ME1: variants seen among roughly 807,000 people sequenced by gnomAD.
The protein encoded by ME1 is malic enzyme 1, also known as NADP-dependent malic enzyme.
ME1 carries 74 observed loss-of-function variants against 66.4 expected under a neutral mutation model. The ratio of observed to expected loss-of-function variants is 1.11; its 90% CI spans 0.92 to 1.35. ME1 has a LOEUF of 1.35. Among genes scored for constraint, ME1 ranks in the 40% most tolerant of loss-of-function variants. ME1 has a pLI of 0.00. For missense variants in ME1, 750 were observed against 694.1 expected, an observed-to-expected ratio of 1.08 and a Z score of -0.90; for synonymous variants, 251 against 235.6, an observed-to-expected ratio of 1.07 and a Z score of -0.60.
intron 13 of ME1, among the ~76,000 whole-genome samples, chr6:83,213,293 G>A (rs1403443190): frequency 6.6e-6 from 1 of 151,120 alleles, no homozygotes; most frequent in Non-Finnish European, 1.5e-5. Flanking sequence ...GTGTGGTGGT[G>A]CATGCCTGTA....
At chr6:83,419,245 A>G (rs1380050175) in intron 1 of ME1, among the ~76,000 whole-genome samples, 1 of 152,182 alleles carries the variant, frequency 6.6e-6, no homozygotes, top group Non-Finnish European at 1.5e-5. Flanking sequence ...GAATCCACAT[A>G]CTAAGGCTAG....
intron 12 of ME1, among the ~76,000 whole-genome samples, chr6:83,219,826 G>A (rs1280132102): frequency 6.7e-6 from 1 of 150,232 alleles, no homozygotes; most frequent in Non-Finnish European, 1.5e-5. Flanking sequence ...GAGCTCAAGC[G>A]ATCCACCTAC....
rs577544081 is a variant in ME1, at chr6:83,383,878, A to G, written c.362+14489T>C. Among the ~76,000 whole-genome samples, 7 of 152,022 alleles carry G rather than the reference A, an allele frequency of 4.6e-5. No individual in the cohort carries two copies. In the South Asian group the frequency reaches 6.2e-4, roughly 14 times the overall value. On this transcript the variant is annotated intron_variant, in intron 3 of 13. Coordinates refer to ENST00000369705, the MANE Select transcript of ME1 (RefSeq NM_002395.6). ...ATAACATTTAATTTGGAATCCTTCT[A>G]TCAACTATTTTATAAATTTTACCAT...
At position 83,221,987 on chromosome 6, in the gene ME1, AT is replaced by A. The variant is rs557824933; in HGVS notation, c.1449+1772del. Among the ~76,000 whole-genome samples, 263 of 150,096 alleles carry A rather than the reference AT, an allele frequency of 1.8e-3. 1 individual carries two copies. The highest frequency in any genetic ancestry group is 5.5e-3 in the African/African-American group (226 of 40,992). ...TGATGTGGTATGTTGACAACACCACATTTTTTTTTTCCTTCAAAGTGTTTTT... is the reference window on the plus strand; with the variant it reads ...TGATGTGGTATGTTGACAACACCACATTTTTTTTTCCTTCAAAGTGTTTTT... On this transcript the variant is annotated intron_variant, in intron 12 of 13. Coordinates refer to ENST00000369705, the MANE Select transcript of ME1 (RefSeq NM_002395.6).
chr6:83,265,184 A>G (rs1766967866), intron 6 of ME1, among the ~76,000 whole-genome samples: 2 of 152,274 alleles, frequency 1.3e-5, no homozygotes, highest in African/African-American at 4.8e-5. Flanking sequence ...GATCATTAAC[A>G]TTCAATAGCA....
intron 3 of ME1, among the ~76,000 whole-genome samples, chr6:83,363,848 T>C (rs1769049672): frequency 6.6e-6 from 1 of 152,252 alleles, no homozygotes; most frequent in Non-Finnish European, 1.5e-5. Context: ...GTTAACTTTA[T>C]GTAACAGTAT....
chr6:83,261,420 A>ATTTTTT (rs57450786), intron 6 of ME1, among the ~76,000 whole-genome samples: 26 of 110,862 alleles, frequency 2.3e-4, no homozygotes, highest in East Asian at 7.6e-4. Context: ...TCTGTTGGTA[A>ATTTTTT]TTTTTTTTTT....
intron 1 of ME1, among the ~76,000 whole-genome samples, chr6:83,417,370 T>TTG (rs1770182044): frequency 4.0e-5 from 6 of 149,768 alleles, no homozygotes; most frequent in South Asian, 2.1e-4. Context: ...TTTGTTGTTT[T>TTG]TTGTTGTTGT....
intron 11 of ME1, among the ~76,000 whole-genome samples, chr6:83,224,713 T>TA (rs1790156643): frequency 1.4e-5 from 2 of 147,480 alleles, no homozygotes; most frequent in Non-Finnish European, 3.0e-5. Context: ...ATAATAATAA[T>TA]AATAAATAAA....
intron 6 of ME1, among the ~76,000 whole-genome samples, chr6:83,259,688 A>G (rs1766848262): frequency 6.6e-6 from 1 of 152,198 alleles, no homozygotes. Flanking sequence ...GTAGGTAACA[A>G]CGAAGAAGAT....
chr6:83,315,307 T>C lies in ME1; in HGVS notation c.704+3A>G. On this transcript the variant is annotated splice_donor_region_variant and intron_variant, in intron 6 of 13. Transcript: ENST00000369705. ...AAAATATAGGTTAAATAAAGATACA[T>C]ACTTGGAAGAAACTGCCTCCATGAA... The C allele has an allele frequency of 6.4e-7, 1 of 1,562,630 alleles. No homozygotes were observed. Among genetic ancestry groups the C allele is most frequent in the Non-Finnish European group, 8.8e-7 (1 of 1,136,820 alleles).
intron 9 of ME1, among the ~76,000 whole-genome samples, chr6:83,230,920 G>A (rs969113156): frequency 2.6e-5 from 4 of 152,030 alleles, no homozygotes; most frequent in South Asian, 2.1e-4. Context: ...GCGACAGCGA[G>A]ACTCTGTCTC....
At chr6:83,319,947 G>A (rs1406776404) in intron 5 of ME1, among the ~76,000 whole-genome samples, 8 of 152,166 alleles carry the variant, frequency 5.3e-5, no homozygotes, top group Non-Finnish European at 1.2e-4. Context: ...GTTCCACCAA[G>A]GAGCAAAACC....
chr6:83,334,283 G>A (rs61992451), intron 5 of ME1, among the ~76,000 whole-genome samples: 36,354 of 130,808 alleles, frequency 0.28, 5,769 homozygotes, highest in Middle Eastern at 0.46. Flanking sequence ...CGCACCACGA[G>A]ACTATATCCC....
intron 5 of ME1, among the ~76,000 whole-genome samples, chr6:83,333,831 C>T (rs1047201513): frequency 6.6e-6 from 1 of 152,102 alleles, no homozygotes; most frequent in Non-Finnish European, 1.5e-5. Flanking sequence ...ATACAACACA[C>T]CTTGATCAGT....
intron 6 of ME1, among the ~76,000 whole-genome samples, chr6:83,292,485 C>T (rs1767521814): frequency 6.6e-6 from 1 of 152,182 alleles, no homozygotes; most frequent in South Asian, 2.1e-4. Context: ...CTGATACTTC[C>T]TCTGGAAGCT....
intron 3 of ME1, among the ~76,000 whole-genome samples, chr6:83,364,926 C>T (rs943288812): frequency 1.3e-5 from 2 of 151,978 alleles, no homozygotes; most frequent in Admixed American, 6.5e-5. Context: ...AAGTTGATGC[C>T]CCACTCACCT....
At chr6:83,241,279 C>G (rs942599612) in intron 7 of ME1, among the ~76,000 whole-genome samples, 2 of 152,154 alleles carry the variant, frequency 1.3e-5, no homozygotes, top group Non-Finnish European at 2.9e-5. Context: ...ATCTGGGGAA[C>G]TCTAAGCTCC....
intron 12 of ME1, among the ~76,000 whole-genome samples, chr6:83,217,071 C>T (rs1054612364): frequency 2.0e-5 from 3 of 152,190 alleles, no homozygotes; most frequent in African/African-American, 7.2e-5. Flanking sequence ...CAGAGTCTCA[C>T]TACAAATAGG....
Sources: gnomAD v4.1 joint callset for allele counts (sites outside exome capture counted in the v4.1 genomes callset) on GRCh38, gnomAD v4.1.1 for gene constraint, MANE v1.5 for transcripts, NCBI Gene and HGNC (gene_info 2026-07-23, HGNC 2026-07-21) for gene names.